The following CLOCK variants were observed in gnomAD, a reference collection of about 807,000 sequenced individuals.
CLOCK encodes clock circadian regulator, also known as circadian locomoter output cycles protein kaput.
A neutral mutation model predicts 118.4 loss-of-function variants in CLOCK; 43 were observed. The ratio of observed to expected loss-of-function variants is 0.36; its 90% CI spans 0.28 to 0.47. The LOEUF (loss-of-function observed/expected upper bound fraction) is 0.47, where lower values mean the gene tolerates loss of function less well. Among genes scored for constraint, CLOCK ranks in the 20% least tolerant of loss-of-function variants. CLOCK has a pLI of 1.00. For missense variants in CLOCK, 846 were observed against 999.9 expected (o/e 0.85, Z 2.08); for synonymous variants, 326 against 339.2 (o/e 0.96, Z 0.43).
At position 55,505,641 on chromosome 4, in the gene CLOCK, G is replaced by A. The variant is rs187175816; in HGVS notation, c.-136+4271C>T. 3.4e-3 allele frequency among the ~76,000 whole-genome samples: 517 copies of A among 152,060 alleles called. 2 individuals are homozygous for A. Among genetic ancestry groups the A allele is most frequent in the African/African-American group, 0.011 (472 of 41,506 alleles). ...ACTGCACCACTGCACTCCAGGCTGG[G>A]TGACAGAACAAGACCTTGTCTCAAA... On this transcript the variant is annotated intron_variant, in intron 2 of 22. Transcript: ENST00000513440.
At chr4:55,481,047 A>G (rs1577765534) in intron 4 of CLOCK, among the ~76,000 whole-genome samples, 2 of 152,190 alleles carry the variant, frequency 1.3e-5, no homozygotes, top group Non-Finnish European at 2.9e-5. Context: ...CCTAAAAAAT[A>G]AAATCAAGAG....
intron 13 of CLOCK, 70 bp downstream of exon 13, chr4:55,455,827 C>CT (rs764717113): frequency 8.7e-6 from 9 of 1,030,700 alleles, no homozygotes; most frequent in Non-Finnish European, 1.4e-5. Flanking sequence ...GTCTTACTAC[C>CT]TATCATTTCA....
intron 2 of CLOCK, among the ~76,000 whole-genome samples, chr4:55,494,668 C>T (rs1408498251): frequency 6.6e-6 from 1 of 152,120 alleles, no homozygotes; most frequent in Non-Finnish European, 1.5e-5. Flanking sequence ...CACTAAAGAA[C>T]TTATCCATGT....
chr4:55,455,528 T>C (rs1447827622), intron 13 of CLOCK, among the ~76,000 whole-genome samples: 1 of 152,180 alleles, frequency 6.6e-6, no homozygotes, highest in Non-Finnish European at 1.5e-5. Context: ...TTTCCAGACA[T>C]GTACCTAGCT....
intron 4 of CLOCK, among the ~76,000 whole-genome samples, chr4:55,481,053 A>G (rs905016637): frequency 6.6e-6 from 1 of 152,192 alleles, no homozygotes; most frequent in East Asian, 1.9e-4. Flanking sequence ...AAATAAAATC[A>G]AGAGCATTGG....
intron 1 of CLOCK, among the ~76,000 whole-genome samples, chr4:55,543,772 G>A (rs1187263730): frequency 2.0e-5 from 3 of 149,626 alleles, no homozygotes; most frequent in African/African-American, 4.9e-5. Flanking sequence ...GCAAGACTCC[G>A]TCTCCAAAAA....
chr4:55,484,132 C>T (rs1190191557), intron 3 of CLOCK, among the ~76,000 whole-genome samples: 1 of 152,148 alleles, frequency 6.6e-6, no homozygotes, highest in Non-Finnish European at 1.5e-5. Context: ...GGCAACATTG[C>T]TGCATTGCCT....
intron 1 of CLOCK, among the ~76,000 whole-genome samples, chr4:55,535,095 A>AT (rs1425358061): frequency 6.6e-6 from 1 of 151,754 alleles, no homozygotes; most frequent in Non-Finnish European, 1.5e-5. Flanking sequence ...TGTCTGGCTA[A>AT]TTTTTTTCTA....
chr4:55,522,510 A>G (rs571512429), intron 1 of CLOCK, among the ~76,000 whole-genome samples: 1 of 152,034 alleles, frequency 6.6e-6, no homozygotes, highest in African/African-American at 2.4e-5. Context: ...TTTTTAAAAA[A>G]AAAAGAAGCA....
intron 21 of CLOCK, among the ~76,000 whole-genome samples, chr4:55,440,011 AATAAAAATTTTT>A (rs1723222621): frequency 6.6e-6 from 1 of 152,152 alleles, no homozygotes; most frequent in Admixed American, 6.5e-5. Flanking sequence ...ATTTTTCCAC[AATAAAAATTTTT>A]TTTAATCTAT....
At chr4:55,463,438 T>C (rs1560434177) in intron 9 of CLOCK, among the ~76,000 whole-genome samples, 3 of 152,104 alleles carry the variant, frequency 2.0e-5, no homozygotes, top group Admixed American at 6.5e-5. Context: ...TACAGCTTTA[T>C]GGCATAATGG....
chr4:55,490,314 G>A (rs1727584487), intron 2 of CLOCK, among the ~76,000 whole-genome samples: 1 of 151,804 alleles, frequency 6.6e-6, no homozygotes, highest in Non-Finnish European at 1.5e-5. Flanking sequence ...GGAAAATATA[G>A]CAATTATAAA....
At chr4:55,459,066 C>T in intron 10 of CLOCK, 56 bp from the exon 11 acceptor site, 2 of 1,494,252 alleles carry the variant, frequency 1.3e-6, no homozygotes, top group Admixed American at 3.3e-5. Context: ...CTAATTGTCA[C>T]TGATATTCAA....
At chr4:55,463,107 A>C (rs1033934305) in intron 9 of CLOCK, among the ~76,000 whole-genome samples, 3 of 152,156 alleles carry the variant, frequency 2.0e-5, no homozygotes, top group Non-Finnish European at 4.4e-5. Context: ...ACCTAGTAGA[A>C]ATGTCTGATT....
chr4:55,463,607 G>A (rs1178670022), intron 9 of CLOCK, 78 bp downstream of exon 9: 3 of 1,480,150 alleles, frequency 2.0e-6, no homozygotes, highest in Admixed American at 3.4e-5. Flanking sequence ...AAAGAAGTCT[G>A]TATTTTTCAT....
intron 1 of CLOCK, among the ~76,000 whole-genome samples, chr4:55,526,526 A>G (rs1730198128): frequency 6.6e-6 from 1 of 152,224 alleles, no homozygotes; most frequent in Non-Finnish European, 1.5e-5. Context: ...TCTCAACAGT[A>G]GCAATGTCAC....
At position 55,478,818 on chromosome 4, in the gene CLOCK, T is replaced by C. The variant is rs780387031; in HGVS notation, c.253A>G (p.Lys85Glu). 1 of 1,612,382 alleles carries C rather than the reference T, an allele frequency of 6.2e-7. No individual in the cohort carries two copies. Among genetic ancestry groups the C allele is most frequent in the Non-Finnish European group, 8.5e-7 (1 of 1,179,220 alleles). The change falls in exon 6 of 23, where the codon AAA becomes GAA. Residue 85 changes from lysine (K) to glutamate (E), a missense_variant. Physicochemically the swap from Lys to Glu is moderately conservative, Grantham distance 56 (BLOSUM62 1). Transcript: ENST00000513440. Reference protein sequence around the residue: ...QKSIDFLRKHKEITAQSDASE... With the variant: ...QKSIDFLRKHEEITAQSDASE... ...TTTTACAGAGTTAAAAATTTACCTT[T>C]ATGTTTTCGTAAAAAATCAATGCTT...
chr4:55,484,925 T>C (rs1727191305), intron 3 of CLOCK, among the ~76,000 whole-genome samples: 1 of 152,100 alleles, frequency 6.6e-6, no homozygotes, highest in Admixed American at 6.6e-5. Flanking sequence ...CTTCCAAAAA[T>C]TATTTGTCGT....
Position 55,435,531 on chromosome 4 carries a change from G to T in CLOCK, c.2425C>A (p.Gln809Lys), listed in dbSNP as rs555376852. Residue 809 changes from glutamine to lysine, a missense_variant, in exon 23 of 23, where the codon CAA (glutamine) becomes AAA (lysine). Around this residue, in one of 4 missense-constraint regions of CLOCK, gnomAD observed 520 missense variants for 558.0 expected, o/e 0.93. Coordinates refer to ENST00000513440, the MANE Select transcript of CLOCK (RefSeq NM_004898.4). The stretch of plus-strand genomic sequence containing the variant: ...TGTGACTGAGGGAAGGTGCTCTGTT[G>T]TAGAGGAAATGCAGCAGAGAGAATG... ...QLILSAAFPL[Q>K]QSTFPQSHHQ... The T allele has an allele frequency of 6.2e-7, 1 of 1,614,044 alleles. No individual in the cohort carries two copies. Among genetic ancestry groups the T allele is most frequent in the African/African-American group, 1.3e-5 (1 of 75,028 alleles).
Sources: allele counts gnomAD v4.1 joint callset (sites outside exome capture counted in the v4.1 genomes callset), GRCh38; gene constraint gnomAD v4.1.1; regional missense constraint gnomAD v4.1.1; transcripts MANE v1.5; gene names NCBI Gene and HGNC (gene_info 2026-07-23, HGNC 2026-07-21).